Variants in ETFDH observed in about 807,000 individuals in gnomAD.
ETFDH encodes electron transfer flavoprotein dehydrogenase, also known as electron transfer flavoprotein-ubiquinone oxidoreductase, mitochondrial.
Under a neutral mutation model 73.2 loss-of-function variants are expected in ETFDH, and 61 were observed. The observed-to-expected ratio is 0.83, with a 90% CI of 0.68 to 1.03. ETFDH has a LOEUF of 1.03. Among genes scored for constraint, ETFDH ranks in the 50% least tolerant of loss-of-function variants. ETFDH has a pLI of 0.00. For missense variants in ETFDH, 685 were observed against 745.0 expected, an observed-to-expected ratio of 0.92 and a Z score of 0.94; for synonymous variants, 243 against 253.3, an observed-to-expected ratio of 0.96 and a Z score of 0.39.
chr4:158,683,396 A>G (rs553514840), intron 3 of ETFDH, among the ~76,000 whole-genome samples: 11 of 152,350 alleles, frequency 7.2e-5, no homozygotes, highest in African/African-American at 2.6e-4. Flanking sequence ...AATAAATTGA[A>G]TTCCAAAAAT....
intron 1 of ETFDH, among the ~76,000 whole-genome samples, chr4:158,673,279 G>A (rs568455873): frequency 6.6e-6 from 1 of 152,190 alleles, no homozygotes; most frequent in Non-Finnish European, 1.5e-5. Context: ...CTCCAGCCTA[G>A]GTGAAAGAGC....
At position 158,706,703 on chromosome 4, in the gene ETFDH, A is replaced by G; in HGVS notation, c.1543A>G (p.Ser515Gly). ...GTATCCAAAACCCGATGGACAGATC[A>G]GTTTTGACCTCTTGTCATCTGTGGC... is the stretch of plus-strand genomic sequence containing the variant. ...IEYPKPDGQI[S>G]FDLLSSVALS... The change falls in exon 12 of 13, where the codon AGT becomes GGT. Residue 515 changes from serine (S) to glycine (G), a missense_variant. Ser to Gly is a moderately conservative substitution (Grantham distance 56). Transcript: ENST00000511912. 1 of 1,613,946 alleles carries G rather than the reference A, an allele frequency of 6.2e-7. No individual in the cohort carries two copies. The highest frequency in any genetic ancestry group is 8.5e-7 in the Non-Finnish European group (1 of 1,179,812).
chr4:158,697,446 C>T, intron 7 of ETFDH, 113 bp from the exon 8 acceptor site: 1 of 899,154 alleles, frequency 1.1e-6, no homozygotes, highest in Non-Finnish European at 1.7e-6. Flanking sequence ...CAGTTTTTCA[C>T]TTGTAATTTT....
chr4:158,706,000 G>C (rs1774600073), intron 10 of ETFDH, among the ~76,000 whole-genome samples, 189 bp from the exon 11 acceptor site: 1 of 152,172 alleles, frequency 6.6e-6, no homozygotes, highest in Admixed American at 6.5e-5. Context: ...AGGATGGCTT[G>C]AATCTAGGAG....
chr4:158,691,899 A>G (rs889960786), intron 6 of ETFDH, among the ~76,000 whole-genome samples: 7 of 152,154 alleles, frequency 4.6e-5, no homozygotes, highest in African/African-American at 9.7e-5. Context: ...TTATTATCCA[A>G]TTTCCCAACT....
intron 8 of ETFDH, 71 bp downstream of exon 8, chr4:158,697,770 G>A: frequency 7.2e-7 from 1 of 1,394,654 alleles, no homozygotes; most frequent in East Asian, 2.3e-5. Context: ...TAAAATAAGG[G>A]TTTTGAATCT....
At chr4:158,687,671 C>G (rs1774040361) in intron 5 of ETFDH, among the ~76,000 whole-genome samples, 1 of 152,148 alleles carries the variant, frequency 6.6e-6, no homozygotes, top group Non-Finnish European at 1.5e-5. Context: ...TCCATTAATT[C>G]CCTCAAAGTA....
chr4:158,685,052 TG>T, intron 4 of ETFDH, 48 bp from the exon 5 acceptor site: 1 of 1,055,766 alleles, frequency 9.5e-7, no homozygotes, highest in Non-Finnish European at 1.5e-6. Context: ...GTTTTTGTAA[TG>T]TCTTATCAAT....
Position 158,672,313 on chromosome 4 carries a change from G to C in ETFDH, c.-144G>C, listed in dbSNP as rs1580386685. The C allele has an allele frequency of 1.8e-5, 15 of 839,738 alleles. No individual in the cohort carries two copies. In the East Asian group the frequency reaches 3.2e-4, roughly 18 times the overall value. The allele number at this position is 839,738 out of a possible 1,614,324, so 52.0% of individuals were successfully genotyped here. ...GGAACGCCGTGAAGCAAGAGCGGTCGGCAGAGCGGGGAGGCGAACTGCAGC... is the reference window on the plus strand; with the variant it reads ...GGAACGCCGTGAAGCAAGAGCGGTCCGCAGAGCGGGGAGGCGAACTGCAGC... On this transcript the variant is annotated 5_prime_UTR_variant, in exon 1 of 13. Transcript: ENST00000511912.
chr4:158,686,425 G>C (rs1249316546), intron 5 of ETFDH, among the ~76,000 whole-genome samples: 1 of 152,204 alleles, frequency 6.6e-6, no homozygotes, highest in Non-Finnish European at 1.5e-5. Flanking sequence ...GGTACAATAA[G>C]AATGGACAGC....
chr4:158,696,506 T>A (rs1356332982), intron 7 of ETFDH, among the ~76,000 whole-genome samples: 1 of 144,292 alleles, frequency 6.9e-6, no homozygotes, highest in Non-Finnish European at 1.5e-5. Flanking sequence ...ATCCTATCTC[T>A]AAAAAAAAAA....
At chr4:158,682,084 G>A in intron 2 of ETFDH, 111 bp from the exon 3 acceptor site, 1 of 1,446,866 alleles carries the variant, frequency 6.9e-7, no homozygotes, top group Non-Finnish European at 9.6e-7. Context: ...AAAACACAGG[G>A]AGAATTTCCA....
At chr4:158,682,132 TG>T in intron 2 of ETFDH, 62 bp from the exon 3 acceptor site, 1 of 1,608,222 alleles carries the variant, frequency 6.2e-7, no homozygotes, top group South Asian at 1.1e-5. Context: ...ATTTTTTAAC[TG>T]TCATGTGATT....
chr4:158,675,452 T>C (rs888871154), intron 1 of ETFDH, among the ~76,000 whole-genome samples: 7 of 152,214 alleles, frequency 4.6e-5, no homozygotes, highest in African/African-American at 1.4e-4. Flanking sequence ...GGGTTGTTTC[T>C]ACTTTTTGGC....
At chr4:158,698,648 GT>G (rs944801732) in intron 8 of ETFDH, among the ~76,000 whole-genome samples, 2 of 151,388 alleles carry the variant, frequency 1.3e-5, no homozygotes, top group African/African-American at 2.4e-5. Context: ...GTTCTAATTT[GT>G]TTTTTTTGTT....
intron 5 of ETFDH, among the ~76,000 whole-genome samples, chr4:158,687,920 A>C (rs1580403068): frequency 6.6e-6 from 1 of 151,846 alleles, no homozygotes; most frequent in East Asian, 2.0e-4. Flanking sequence ...CGTGCCTGTA[A>C]TCCTAGCTAC....
chr4:158,681,327 G>T (rs1243415760), intron 2 of ETFDH, among the ~76,000 whole-genome samples: 1 of 152,126 alleles, frequency 6.6e-6, no homozygotes, highest in Non-Finnish European at 1.5e-5. Flanking sequence ...ATAGAAAAAT[G>T]ATATAAAAAC....
In ETFDH at chr4:158,708,502, G is replaced by C. The variant is rs1213881654; in HGVS notation, c.1829G>C (p.Gly610Ala). The C allele has an allele frequency of 6.2e-7, 1 of 1,613,746 alleles. No individual in the cohort carries two copies. The highest frequency in any genetic ancestry group is 1.7e-5 in the Admixed American group (1 of 60,010). Residue 610 changes from glycine (G) to alanine (A), a missense_variant, in exon 13 of 13, where the codon GGA (glycine) becomes GCA (alanine). Around this residue, in one of 3 missense-constraint regions of ETFDH, gnomAD observed 201 missense variants for 225.2 expected, o/e 0.89. Transcript: ENST00000511912. ...AACTGGGTGGTACCTGAAGGTGGAG[G>C]AGGACCTGCTTACAATGGAATGTAA... is the stretch of plus-strand genomic sequence containing the variant. ...NINWVVPEGG[G>A]GPAYNGM
Position 158,702,014 on chromosome 4 carries a change from T to C in ETFDH, c.1117-1409T>C, listed in dbSNP as rs113975419. On this transcript the variant is annotated intron_variant, in intron 9 of 12. Transcript: ENST00000511912. ...GCTTGTCCTTAATCAAAATCTATTG[T>C]TTAGGGTAGTAGCTAGTTGCAGTGG... 4.3e-3 allele frequency among the ~76,000 whole-genome samples: 649 copies of C among 152,282 alleles called. 3 individuals are homozygous for C. The highest frequency in any genetic ancestry group is 6.9e-3 in the Non-Finnish European group (472 of 68,014).
Sources: gnomAD v4.1 joint callset for allele counts (sites outside exome capture counted in the v4.1 genomes callset) on GRCh38, gnomAD v4.1.1 for gene constraint, gnomAD v4.1.1 regional missense constraint, MANE v1.5 for transcripts, NCBI Gene and HGNC (gene_info 2026-07-23, HGNC 2026-07-21) for gene names.